Variants in JMY observed in about 807,000 individuals in gnomAD.
JMY encodes junction-mediating and -regulatory protein.
JMY carries 46 observed loss-of-function variants against 103.3 expected under a neutral mutation model. The ratio of observed to expected loss-of-function variants is 0.45; its 90% CI spans 0.35 to 0.57. The LOEUF (loss-of-function observed/expected upper bound fraction) is 0.57. Among genes scored for constraint, JMY ranks in the 20% least tolerant of loss-of-function variants. JMY has a pLI of 0.00. For missense variants in JMY, 1,238 were observed against 1,255.2 expected (o/e 0.99, Z 0.21); for synonymous variants, 526 against 489.3 (o/e 1.07, Z -0.99).
chr5:79,287,010 C>T (rs11959628), intron 2 of JMY, among the ~76,000 whole-genome samples: 53,761 of 151,798 alleles, frequency 0.35, 9,603 homozygotes, highest in East Asian at 0.47. Context: ...GGAGGAACCC[C>T]GTGGAGCTGA....
chr5:79,244,054 G>A (rs2112044123), intron 1 of JMY, among the ~76,000 whole-genome samples: 1 of 150,236 alleles, frequency 6.7e-6, no homozygotes, highest in African/African-American at 2.5e-5. Context: ...AGGCTGGAGT[G>A]CAGTGGTGTG....
intron 2 of JMY, among the ~76,000 whole-genome samples, chr5:79,288,419 A>G (rs769715259): frequency 9.2e-5 from 14 of 152,030 alleles, no homozygotes; most frequent in African/African-American, 1.7e-4. Flanking sequence ...ATGAACCTCA[A>G]TGAAGTTTGT....
At chr5:79,316,351 G>A in intron 10 of JMY, 41 bp downstream of exon 10, 1 of 1,445,044 alleles carries the variant, frequency 6.9e-7, no homozygotes, top group Non-Finnish European at 9.4e-7. Context: ...CAGTAATACA[G>A]GTTTTATATC....
At position 79,237,735 on chromosome 5, in the gene JMY, G is replaced by T. The variant is rs1258433637; in HGVS notation, c.1032+53G>T. ...TCTACTGGTCGCTTTTGGTTTACTG[G>T]CCAAACCAAAGGCTGGAGCCTCGGT... On this transcript the variant is annotated intron_variant, in intron 1 of 10. Coordinates refer to ENST00000396137, the MANE Select transcript of JMY (RefSeq NM_152405.5). The T allele has an allele frequency of 2.0e-6, 3 of 1,504,422 alleles. No homozygotes were observed. In the African/African-American group the frequency reaches 4.2e-5, roughly 21 times the overall value. 93.2% of individuals were successfully genotyped at this position (1,504,422 alleles called of 1,614,324 possible).
At chr5:79,258,575 G>A (rs887621140) in intron 1 of JMY, among the ~76,000 whole-genome samples, 1 of 152,072 alleles carries the variant, frequency 6.6e-6, no homozygotes, top group African/African-American at 2.4e-5. Flanking sequence ...CGTGGGGTCT[G>A]GCCACTGCAT....
chr5:79,306,730 T>A (rs963674716), intron 7 of JMY, among the ~76,000 whole-genome samples: 10 of 152,088 alleles, frequency 6.6e-5, no homozygotes, highest in African/African-American at 1.9e-4. Flanking sequence ...TCCCCCAGAG[T>A]GGAATATTTG....
At chr5:79,257,777 T>C (rs1258137810) in intron 1 of JMY, among the ~76,000 whole-genome samples, 1 of 152,098 alleles carries the variant, frequency 6.6e-6, no homozygotes, top group African/African-American at 2.4e-5. Context: ...TCTTTTTTTT[T>C]TGGAGACGGA....
intron 10 of JMY, among the ~76,000 whole-genome samples, chr5:79,318,761 TAGAGAGAG>T (rs3081332): frequency 1.8e-3 from 99 of 53,548 alleles, no homozygotes; most frequent in East Asian, 2.5e-3. Flanking sequence ...TATATATATA[TAGAGAGAG>T]AGAGAGAGAG....
Position 79,316,167 on chromosome 5 carries a change from T to G in JMY, c.2827T>G (p.Leu943Val), listed in dbSNP as rs747215593. Residue 943 changes from leucine (L) to valine (V), a missense_variant, in exon 10 of 11, where the codon TTG becomes GTG. Coordinates refer to ENST00000396137, the MANE Select transcript of JMY (RefSeq NM_152405.5). The stretch of plus-strand genomic sequence containing the variant: ...ATTGAAGAAGGTACAGAAGGATGTT[T>G]TGAGAGAATCCTTCACACTTCTACC... ...VKLKKVQKDV[L>V]RESFTLLPDT... is the part of the protein sequence containing the mutation. 3.1e-6 allele frequency: 5 copies of G among 1,614,072 alleles called. No individual in the cohort carries two copies. In the East Asian group the frequency reaches 1.1e-4, roughly 36 times the overall value.
intron 2 of JMY, among the ~76,000 whole-genome samples, chr5:79,286,933 C>T (rs893254260): frequency 6.6e-6 from 1 of 152,120 alleles, no homozygotes; most frequent in African/African-American, 2.4e-5. Flanking sequence ...ATTGTAAAAA[C>T]AGCTACCACT....
At chr5:79,314,221 A>G (rs758113154) in intron 8 of JMY, 36 bp from the exon 9 acceptor site, 1 of 1,551,882 alleles carries the variant, frequency 6.4e-7, no homozygotes, top group Non-Finnish European at 8.7e-7. Flanking sequence ...TGTTTCAATA[A>G]CATTTAACCA....
intron 1 of JMY, among the ~76,000 whole-genome samples, chr5:79,260,217 A>C (rs1222822784): frequency 6.6e-6 from 1 of 152,174 alleles, no homozygotes; most frequent in Admixed American, 6.5e-5. Flanking sequence ...GTAGGAAGCA[A>C]GGTTGAGGCT....
chr5:79,295,035 T>C (rs1184932819), intron 4 of JMY, among the ~76,000 whole-genome samples: 1 of 152,218 alleles, frequency 6.6e-6, no homozygotes, highest in Non-Finnish European at 1.5e-5. Context: ...CCTACAAGCA[T>C]GTAGCTAAAT....
At chr5:79,310,407 T>C (rs1167230836) in intron 7 of JMY, among the ~76,000 whole-genome samples, 2 of 152,180 alleles carry the variant, frequency 1.3e-5, no homozygotes, top group Non-Finnish European at 2.9e-5. Context: ...GTCATCTGCC[T>C]TAGAATTTTG....
intron 1 of JMY, 134 bp downstream of exon 1, chr5:79,237,816 G>A: frequency 1.4e-6 from 1 of 717,818 alleles, no homozygotes; most frequent in Non-Finnish European, 2.3e-6. Context: ...ACCAAGAGGG[G>A]TTCCTGATCT....
At chr5:79,239,534 C>T (rs1372855842) in intron 1 of JMY, among the ~76,000 whole-genome samples, 2 of 152,070 alleles carry the variant, frequency 1.3e-5, no homozygotes, top group African/African-American at 2.4e-5. Flanking sequence ...AGGCCGGTCG[C>T]GGTGGCTCAT....
intron 1 of JMY, 59 bp downstream of exon 1, chr5:79,237,741 C>A: frequency 6.8e-7 from 1 of 1,481,264 alleles, no homozygotes; most frequent in Non-Finnish European, 9.1e-7. Flanking sequence ...ACTGGCCAAA[C>A]CAAAGGCTGG....
chr5:79,321,341 A>C (rs546298092), intron 10 of JMY, among the ~76,000 whole-genome samples: 1 of 152,322 alleles, frequency 6.6e-6, no homozygotes, highest in African/African-American at 2.4e-5. Context: ...TTATGGGGCA[A>C]ATAGTTTAGA....
At chr5:79,266,005 C>T (rs779519241) in intron 1 of JMY, among the ~76,000 whole-genome samples, 1 of 152,140 alleles carries the variant, frequency 6.6e-6, no homozygotes, top group Non-Finnish European at 1.5e-5. Context: ...TGGTCTCGAA[C>T]TCCTGACCTC....
Sources: allele counts gnomAD v4.1 joint callset (sites outside exome capture counted in the v4.1 genomes callset), GRCh38; gene constraint gnomAD v4.1.1; transcripts MANE v1.5; gene names NCBI Gene and HGNC (gene_info 2026-07-23, HGNC 2026-07-21).